THNSL1: variants seen among roughly 807,000 people sequenced by gnomAD.
THNSL1 encodes the protein threonine synthase like 1.
A neutral mutation model predicts 50.4 loss-of-function variants in THNSL1; 48 were observed. The observed-to-expected ratio is 0.95, with a 90% CI of 0.76 to 1.21. The LOEUF is 1.21. THNSL1 is among the 50% of genes most tolerant of loss of function. THNSL1 has a pLI of 0.00. For missense variants in THNSL1, 896 were observed against 871.7 expected (o/e 1.03, Z -0.35); for synonymous variants, 309 against 306.1 (o/e 1.01, Z -0.10).
chr10:25,024,945 A>G lies in THNSL1; in HGVS notation c.1722A>G (p.Arg574=), dbSNP rs541605318. 4.3e-6 allele frequency: 7 copies of G among 1,614,076 alleles called. No individual in the cohort carries two copies. In the South Asian group the frequency reaches 7.7e-5, roughly 18 times the overall value. Residue 574 remains arginine (R), a synonymous_variant, in exon 3 of 3, where the codon CGA becomes CGG. Coordinates refer to ENST00000376356, the MANE Select transcript of THNSL1 (RefSeq NM_024838.5). ...IDILKSSNLE[R]HLHLMANKDG... is the part of the protein sequence containing the mutation. ...TTCTCAAATCTTCAAACCTAGAACG[A>G]CATTTACACTTGATGGCTAATAAAG...
At chr10:24,999,266 T>A in the THNSL1 span, 2 of 846,436 alleles carry the variant, frequency 2.4e-6, no homozygotes, top group Non-Finnish European at 3.5e-6. Flanking sequence ...TTCCACTTTC[T>A]CCTAGTCAAA....
At chr10:24,974,350 T>C in the THNSL1 span, among the ~76,000 whole-genome samples, 3 of 152,168 alleles carry the variant, frequency 2.0e-5, no homozygotes, top group African/African-American at 7.2e-5. Flanking sequence ...ATATGTGTAT[T>C]AAGGGGATTG....
At chr10:25,002,586 A>C in the THNSL1 span, among the ~76,000 whole-genome samples, 1 of 152,076 alleles carries the variant, frequency 6.6e-6, no homozygotes, top group South Asian at 2.1e-4. Context: ...GTTGTTTCAT[A>C]TATTTTTTTT....
the THNSL1 span, chr10:24,983,701 C>T: frequency 6.6e-6 from 1 of 152,058 alleles, no homozygotes; most frequent in East Asian, 1.9e-4. Flanking sequence ...GTGAAAAAAG[C>T]CTGAAAGACT....
chr10:25,010,800 T>G, the THNSL1 span, among the ~76,000 whole-genome samples: 5 of 148,326 alleles, frequency 3.4e-5, no homozygotes, highest in Non-Finnish European at 1.5e-5. Flanking sequence ...CTGCATAGTA[T>G]TCCATGGTGT....
At chr10:25,015,899 AG>A (rs2132731029), upstream of THNSL1, 2 of 1,607,862 alleles carry the variant, frequency 1.2e-6, no homozygotes, top group Admixed American at 1.7e-5. Flanking sequence ...ACTGGGTATG[AG>A]GTTATAAATG....
chr10:24,983,542 T>C, the THNSL1 span: 1 of 152,256 alleles, frequency 6.6e-6, no homozygotes. Flanking sequence ...TATTATCCTT[T>C]ATTTTATATC....
At chr10:25,014,430 G>C (rs1191224368), upstream of THNSL1, among the ~76,000 whole-genome samples, 1 of 151,794 alleles carries the variant, frequency 6.6e-6, no homozygotes, top group East Asian at 1.9e-4. Flanking sequence ...ACAGCACCAA[G>C]AACAGATATA....
chr10:24,986,082 A>G, the THNSL1 span, among the ~76,000 whole-genome samples: 1 of 152,140 alleles, frequency 6.6e-6, no homozygotes, highest in Non-Finnish European at 1.5e-5. Flanking sequence ...AACAAAAACA[A>G]AACCAAAACT....
chr10:24,963,815 A>C, the THNSL1 span, among the ~76,000 whole-genome samples: 2 of 152,234 alleles, frequency 1.3e-5, no homozygotes, highest in Non-Finnish European at 2.9e-5. Flanking sequence ...CATTTCACAC[A>C]GCACATTCTA....
At chr10:25,014,111 C>T (rs185283595), upstream of THNSL1, among the ~76,000 whole-genome samples, 6 of 152,082 alleles carry the variant, frequency 3.9e-5, no homozygotes, top group African/African-American at 1.4e-4. Flanking sequence ...CAGAAAAGTG[C>T]CTTTCATCCG....
the THNSL1 span, among the ~76,000 whole-genome samples, chr10:24,989,960 T>C: frequency 2.6e-5 from 4 of 152,146 alleles, no homozygotes; most frequent in Non-Finnish European, 4.4e-5. Context: ...TTTAAGTCTA[T>C]GTAATTAAAA....
the THNSL1 span, among the ~76,000 whole-genome samples, chr10:24,972,919 A>G: frequency 6.6e-6 from 1 of 152,246 alleles, no homozygotes. Flanking sequence ...AACTGCAGAT[A>G]GTACTCAACC....
At chr10:24,998,761 A>T in the THNSL1 span, among the ~76,000 whole-genome samples, 1 of 152,272 alleles carries the variant, frequency 6.6e-6, no homozygotes, top group African/African-American at 2.4e-5. Context: ...GGGATCAAGT[A>T]TATAATTTTT....
chr10:25,016,543 G>A (rs1344451878), upstream of THNSL1: 1 of 152,340 alleles, frequency 6.6e-6, no homozygotes, highest in African/African-American at 2.4e-5. Context: ...GAGGAGATCG[G>A]AGTGCTCGGA....
At chr10:24,998,628 G>A in the THNSL1 span, among the ~76,000 whole-genome samples, 14 of 151,706 alleles carry the variant, frequency 9.2e-5, no homozygotes, top group Admixed American at 6.6e-5. Flanking sequence ...AAGACATCTG[G>A]GAAGACATAC....
At chr10:24,973,530 C>T in the THNSL1 span, among the ~76,000 whole-genome samples, 2 of 152,074 alleles carry the variant, frequency 1.3e-5, no homozygotes, top group African/African-American at 4.8e-5. Context: ...GTAACTAAAA[C>T]TGCAGAAACT....
the THNSL1 span, among the ~76,000 whole-genome samples, chr10:24,986,203 C>T: frequency 6.6e-6 from 1 of 152,178 alleles, no homozygotes; most frequent in Non-Finnish European, 1.5e-5. Context: ...TCATAGTAAG[C>T]TCTTGTACAA....
chr10:25,010,059 G>A, the THNSL1 span, among the ~76,000 whole-genome samples: 3 of 152,184 alleles, frequency 2.0e-5, no homozygotes, highest in East Asian at 1.9e-4. Flanking sequence ...ACAGGCAGAG[G>A]TTGGAACAGT....
Sources: allele counts gnomAD v4.1 joint callset (sites outside exome capture counted in the v4.1 genomes callset), GRCh38; gene constraint gnomAD v4.1.1; transcripts MANE v1.5; gene names NCBI Gene and HGNC (gene_info 2026-07-23, HGNC 2026-07-21).